Variants in SPAG17 observed in about 807,000 individuals in gnomAD.
SPAG17 encodes the protein sperm-associated antigen 17.
A neutral mutation model predicts 273.6 loss-of-function variants in SPAG17; 169 were observed. The observed-to-expected ratio is 0.62, with a 90% CI of 0.55 to 0.70. SPAG17 has a LOEUF of 0.70. Among genes scored for constraint, SPAG17 ranks in the 30% least tolerant of loss-of-function variants. The pLI, the probability that SPAG17 is intolerant of heterozygous loss-of-function variation, is 0.00. For synonymous variants in SPAG17, 825 were observed against 873.2 expected, an observed-to-expected ratio of 0.94 and a Z score of 0.97; for missense variants, 2,557 against 2,627.8, an observed-to-expected ratio of 0.97 and a Z score of 0.59.
At chr1:118,160,285 A>G (rs1659849736) in intron 1 of SPAG17, among the ~76,000 whole-genome samples, 1 of 152,170 alleles carries the variant, frequency 6.6e-6, no homozygotes, top group Non-Finnish European at 1.5e-5. Context: ...AAAAAATAAG[A>G]TATATTTTTA....
intron 1 of SPAG17, among the ~76,000 whole-genome samples, chr1:118,173,872 A>AG (rs1344963495): frequency 6.6e-6 from 1 of 151,358 alleles, no homozygotes; most frequent in Non-Finnish European, 1.5e-5. Context: ...AAAAAAAAAA[A>AG]AAAAAGTACA....
intron 18 of SPAG17, among the ~76,000 whole-genome samples, chr1:118,061,289 TA>T (rs540728916): frequency 1.7e-4 from 26 of 152,230 alleles, no homozygotes; most frequent in African/African-American, 5.5e-4. Flanking sequence ...GTAGCCAAGA[TA>T]AAAAAACAAC....
In SPAG17 at chr1:118,140,309, T is replaced by A. The variant is rs187195854; in HGVS notation, c.315+10234A>T. 2.0e-5 allele frequency among the ~76,000 whole-genome samples: 3 copies of A among 152,324 alleles called. No homozygotes were observed. The East Asian group carries it at 5.8e-4, about 29-fold the overall frequency. ...TGCACAGTGTAGTGACTATAGTTAA[T>A]AATAGAGAATTGTACATTTCAAAAT... On this transcript the variant is annotated intron_variant, in intron 3 of 48. Coordinates refer to ENST00000336338, the MANE Select transcript of SPAG17 (RefSeq NM_206996.4).
Position 117,989,086 on chromosome 1 carries a change from G to A in SPAG17, c.5522-882C>T, listed in dbSNP as rs1257104818. Among the ~76,000 whole-genome samples the A allele has an allele frequency of 2.6e-5, 4 of 152,132 alleles. No homozygotes were observed. The East Asian group carries it at 7.7e-4, about 29-fold the overall frequency. ...AATTCAAAAGCTACAGGGTAGCGTT[G>A]CCAGATAAAGTATAGGGCCCCTGGT... On this transcript the variant is annotated intron_variant, in intron 38 of 48. Coordinates refer to ENST00000336338, the MANE Select transcript of SPAG17 (RefSeq NM_206996.4).
chr1:118,175,742 GA>G (rs886639646), intron 1 of SPAG17, among the ~76,000 whole-genome samples: 12 of 151,530 alleles, frequency 7.9e-5, no homozygotes, highest in African/African-American at 2.4e-4. Context: ...TAATGTGAAA[GA>G]AAAAAAACTA....
intron 38 of SPAG17, among the ~76,000 whole-genome samples, chr1:117,989,370 G>C (rs1043461356): frequency 6.6e-6 from 1 of 151,974 alleles, no homozygotes; most frequent in Non-Finnish European, 1.5e-5. Context: ...CATGTATAGA[G>C]ATCACATAAC....
chr1:118,124,389 C>G (rs1372721867), intron 3 of SPAG17, among the ~76,000 whole-genome samples: 1 of 152,140 alleles, frequency 6.6e-6, no homozygotes, highest in African/African-American at 2.4e-5. Context: ...GGGTTTGTCT[C>G]CTCTACTAGC....
intron 16 of SPAG17, 100 bp from the exon 17 acceptor site, chr1:118,074,067 T>C: frequency 1.4e-6 from 1 of 724,588 alleles, no homozygotes; most frequent in Non-Finnish European, 2.2e-6. Flanking sequence ...TCCATCTAAT[T>C]GGGGAAATCT....
chr1:117,983,977 G>A, intron 41 of SPAG17, 64 bp from the exon 42 acceptor site: 1 of 701,926 alleles, frequency 1.4e-6, no homozygotes, highest in East Asian at 2.6e-5. Flanking sequence ...TCGCAAATAT[G>A]TTAAATTAAT....
At chr1:117,956,219 G>A (rs1232965400) in intron 48 of SPAG17, among the ~76,000 whole-genome samples, 1 of 152,132 alleles carries the variant, frequency 6.6e-6, no homozygotes, top group Non-Finnish European at 1.5e-5. Context: ...GCTCATGTCT[G>A]TAATCCCAAC....
chr1:117,992,769 GA>G (rs907449708), intron 35 of SPAG17, 121 bp from the exon 36 acceptor site: 27 of 871,870 alleles, frequency 3.1e-5, no homozygotes, highest in Non-Finnish European at 3.7e-5. Flanking sequence ...ACACAGTGGT[GA>G]AAAAAAATCC....
At chr1:117,964,969 T>C (rs906967861) in intron 47 of SPAG17, 1 of 152,232 alleles carries the variant, frequency 6.6e-6, no homozygotes, top group African/African-American at 2.4e-5. Flanking sequence ...ATTTTTAATA[T>C]ATATCTTCTG....
At chr1:118,008,559 T>C (rs1557900284) in intron 30 of SPAG17, among the ~76,000 whole-genome samples, 3 of 152,222 alleles carry the variant, frequency 2.0e-5, no homozygotes, top group Non-Finnish European at 2.9e-5. Context: ...TTAATACATA[T>C]GTAAAATAAA....
At chr1:118,121,726 G>A (rs1406074010) in intron 3 of SPAG17, among the ~76,000 whole-genome samples, 1 of 152,192 alleles carries the variant, frequency 6.6e-6, no homozygotes, top group African/African-American at 2.4e-5. Flanking sequence ...GTACATGAGT[G>A]CATGTCCATG....
At chr1:117,996,224 AAC>A (rs1203860413) in intron 34 of SPAG17, 144 bp downstream of exon 34, 39 of 865,836 alleles carry the variant, frequency 4.5e-5, no homozygotes, top group Non-Finnish European at 6.5e-5. Flanking sequence ...TATTCATGTC[AAC>A]TTATTTCTGC....
chr1:118,062,026 A>G (rs1652352346), intron 18 of SPAG17, among the ~76,000 whole-genome samples: 1 of 152,182 alleles, frequency 6.6e-6, no homozygotes, highest in South Asian at 2.1e-4. Flanking sequence ...AGGTACACAT[A>G]TTATTTTACA....
chr1:117,996,306 A>G (rs994022606), intron 34 of SPAG17, 64 bp downstream of exon 34: 1 of 1,527,512 alleles, frequency 6.5e-7, no homozygotes, highest in Admixed American at 2.1e-5. Flanking sequence ...GATAGACTGG[A>G]TAGTAAGGAG....
At chr1:118,031,560 C>T (rs1421687593) in intron 25 of SPAG17, 132 bp downstream of exon 25, 3 of 973,458 alleles carry the variant, frequency 3.1e-6, no homozygotes, top group East Asian at 4.9e-5. Flanking sequence ...GTTGAGACTA[C>T]AAGGGACGTT....
rs754149125 is a variant in SPAG17 at position 117,992,610 on chromosome 1, C to A, written c.5217G>T (p.Trp1739Cys). 1.2e-6 allele frequency: 2 copies of A among 1,610,462 alleles called. No homozygotes were observed. The highest frequency in any genetic ancestry group is 1.7e-6 in the Non-Finnish European group (2 of 1,178,868). ...GTTTGGACTCAATGCAAAGGCCTTTCCAAATCTGAGTACCAAACGGAGGTC... is the reference window on the plus strand; with the variant it reads ...GTTTGGACTCAATGCAAAGGCCTTTACAAATCTGAGTACCAAACGGAGGTC... ...TPGPPFGTQI[W>C]KGLCIESKQL... is the part of the protein sequence containing the mutation. The change falls in exon 36 of 49, where the codon TGG (tryptophan) becomes TGT (cysteine). Residue 1739 changes from tryptophan (W) to cysteine (C), a missense_variant. Coordinates refer to ENST00000336338, the MANE Select transcript of SPAG17 (RefSeq NM_206996.4).
Sources: gnomAD v4.1 joint callset for allele counts (sites outside exome capture counted in the v4.1 genomes callset) on GRCh38, gnomAD v4.1.1 for gene constraint, MANE v1.5 for transcripts, NCBI Gene and HGNC (gene_info 2026-07-23, HGNC 2026-07-21) for gene names.